Variants in DIS3 observed in about 807,000 individuals in gnomAD.
The protein encoded by DIS3 is exosome complex exonuclease RRP44.
In DIS3, 103 loss-of-function variants were observed where a neutral mutation model predicts 113.0. That is an observed-to-expected ratio of 0.91 (90% CI 0.78 to 1.07). The LOEUF is 1.07. DIS3 is among the 50% of genes least tolerant of loss of function. The pLI is 0.00. For missense variants in DIS3, 1,121 were observed against 1,167.1 expected (o/e 0.96, Z 0.58); for synonymous variants, 402 against 394.3 (o/e 1.02, Z -0.23).
chr13:72,752,325 G>T lies in DIS3; in HGVS notation c.*7470C>A, dbSNP rs1213528753. ...CTTGATGCCTGTGGGGGATAACAAG[G>T]TATCTGTTGCCTGGTTGGTACATAT... is the stretch of plus-strand genomic sequence containing the variant. On this transcript the variant is annotated 3_prime_UTR_variant, in exon 21 of 21. Transcript: ENST00000377767. The T allele has an allele frequency of 6.6e-6, 1 of 152,284 alleles. No homozygotes were observed. The highest frequency in any genetic ancestry group is 2.1e-4 in the South Asian group (1 of 4,822). The allele number at this position is 152,284 out of a possible 1,614,324, so 9.4% of individuals were successfully genotyped here.
In DIS3 at chr13:72,759,728, G is replaced by A; in HGVS notation, c.*67C>T. 2.4e-6 allele frequency: 3 copies of A among 1,233,804 alleles called. No homozygotes were observed. The highest frequency in any genetic ancestry group is 3.5e-6 in the Non-Finnish European group (3 of 852,888). 76.4% of individuals were successfully genotyped at this position (1,233,804 alleles called of 1,614,324 possible). A position where few individuals can be genotyped will look rare whatever the true frequency, so the allele number is the denominator to read the frequency against. On this transcript the variant is annotated 3_prime_UTR_variant, in exon 21 of 21. Coordinates refer to ENST00000377767, the MANE Select transcript of DIS3 (RefSeq NM_014953.5). ...AAACTGTATCACACACTTAGGCTTA[G>A]AAGTGTTCTTTCAAGTTTTTTCTTT...
Position 72,761,735 on chromosome 13 carries a change from G to A in DIS3, c.2422C>T (p.His808Tyr), listed in dbSNP as rs552766691. ...TTTTTACATATATCTGCAAGCTTGT[G>A]TTTGTCTGTCAACTCTGGATAAGTA... ...DCTYPELTDKHKLADICKNLN... is the reference protein window; with the variant it reads ...DCTYPELTDKYKLADICKNLN... The change falls in exon 18 of 21, where the codon CAC becomes TAC. Residue 808 changes from histidine to tyrosine, a missense_variant. His to Tyr is a moderately conservative substitution (Grantham distance 83). This residue lies in a region of DIS3 where 861 missense variants were observed against 915.5 expected (regional missense o/e 0.94). Transcript: ENST00000377767. 1.2e-6 allele frequency: 2 copies of A among 1,613,852 alleles called. No homozygotes were observed. Among genetic ancestry groups the A allele is most frequent in the Non-Finnish European group, 1.7e-6 (2 of 1,179,976 alleles).
At chr13:72,763,189 T>A (rs893995324) in intron 16 of DIS3, among the ~76,000 whole-genome samples, 3 of 151,850 alleles carry the variant, frequency 2.0e-5, no homozygotes, top group African/African-American at 7.3e-5. Context: ...CAGTCCCAGC[T>A]CCTCAGGAGG....
chr13:72,758,653 G>A lies in DIS3; in HGVS notation c.*1142C>T, dbSNP rs1050419302. The A allele has an allele frequency of 3.2e-5, 7 of 218,312 alleles. No homozygotes were observed. The Admixed American group carries it at 3.5e-4, about 11-fold the overall frequency. The allele number at this position is 218,312 out of a possible 1,614,324, so 13.5% of individuals were successfully genotyped here. A position where few individuals can be genotyped will look rare whatever the true frequency, so the allele number is the denominator to read the frequency against. ...CAAGTTTCTGCCTCAGTGTATGGAGGTTTTCCTCAGTAATAGGAAACTGGA... is the reference window on the plus strand; with the variant it reads ...CAAGTTTCTGCCTCAGTGTATGGAGATTTTCCTCAGTAATAGGAAACTGGA... On this transcript the variant is annotated 3_prime_UTR_variant, in exon 21 of 21. Transcript: ENST00000377767.
In DIS3 at chr13:72,775,236, T is replaced by C. The variant is rs2138220979; in HGVS notation, c.962A>G (p.Glu321Gly). Residue 321 changes from glutamate (E) to glycine (G), a missense_variant, in exon 6 of 21, where the codon GAG becomes GGG. Glu to Gly is a moderately conservative substitution (Grantham distance 98). This residue lies in a region of DIS3 where 861 missense variants were observed against 915.5 expected (regional missense o/e 0.94). Coordinates refer to ENST00000377767, the MANE Select transcript of DIS3 (RefSeq NM_014953.5). ...CATTCGTTCTGTCTCTTCTTCTTTCTCCACATCTTCTTCATTTTGACCTTC... is the reference window on the plus strand; with the variant it reads ...CATTCGTTCTGTCTCTTCTTCTTTCCCCACATCTTCTTCATTTTGACCTTC... Reference protein sequence around the residue: ...HDEGQNEEDVEKEEETERMLK... With the variant: ...HDEGQNEEDVGKEEETERMLK... 1 of 1,613,488 alleles carries C rather than the reference T, an allele frequency of 6.2e-7. No homozygotes were observed. Among genetic ancestry groups the C allele is most frequent in the Non-Finnish European group, 8.5e-7 (1 of 1,179,616 alleles).
chr13:72,756,809 T>C lies in DIS3; in HGVS notation c.*2986A>G, dbSNP rs1435022016. 1 of 152,178 alleles carries C rather than the reference T, an allele frequency of 6.6e-6. No individual in the cohort carries two copies. The highest frequency in any genetic ancestry group is 1.5e-5 in the Non-Finnish European group (1 of 68,030). The allele number at this position is 152,178 out of a possible 1,614,324, so 9.4% of individuals were successfully genotyped here. On this transcript the variant is annotated 3_prime_UTR_variant, in exon 21 of 21. Transcript: ENST00000377767. ...CCTTTTTCTGCCATGATTGTGTAAG[T>C]GTCCTGAGGCCTCACCAGCAATGCG... is the stretch of plus-strand genomic sequence containing the variant.
In DIS3 at chr13:72,777,502, A is replaced by C. The variant is rs758098466; in HGVS notation, c.581-9T>G. 4.6e-5 allele frequency: 75 copies of C among 1,613,198 alleles called. No individual in the cohort carries two copies. In the South Asian group the frequency reaches 6.0e-4, roughly 13 times the overall value. ...CTTTACATATTCTTCACCTGAAAAA[A>C]TAAGTTTATGTTGTTTTTGATAAGT... On this transcript the variant is annotated splice_polypyrimidine_tract_variant and intron_variant, in intron 3 of 20. Transcript: ENST00000377767.
intron 14 of DIS3, among the ~76,000 whole-genome samples, chr13:72,766,308 T>A (rs2033750019): frequency 1.3e-5 from 2 of 152,206 alleles, no homozygotes; most frequent in South Asian, 4.1e-4. Flanking sequence ...GAAATCTGAA[T>A]CCCTGTGCTT....
intron 4 of DIS3, among the ~76,000 whole-genome samples, chr13:72,776,973 T>C (rs916495281): frequency 1.3e-5 from 2 of 152,202 alleles, no homozygotes; most frequent in Non-Finnish European, 2.9e-5. Flanking sequence ...TCAGAATCCT[T>C]TCCTCTTCAT....
chr13:72,779,973 TATC>T (rs1412084783), intron 2 of DIS3, among the ~76,000 whole-genome samples: 1 of 152,014 alleles, frequency 6.6e-6, no homozygotes, highest in East Asian at 1.9e-4. Flanking sequence ...TAATAGGCAA[TATC>T]ATATTTTTGA....
Position 72,761,233 on chromosome 13 carries a change from C to T in DIS3, c.2670+130G>A, listed in dbSNP as rs996040156. On this transcript the variant is annotated intron_variant, in intron 19 of 20. Coordinates refer to ENST00000377767, the MANE Select transcript of DIS3 (RefSeq NM_014953.5). ...GCAAAATTAAATGTAGATTTTCTGG[C>T]ATGTATTTGGAGATCAGGATAAATT... 2.2e-5 allele frequency: 26 copies of T among 1,179,356 alleles called. No individual in the cohort carries two copies. In the Admixed American group the frequency reaches 3.4e-4, roughly 16 times the overall value. The allele number at this position is 1,179,356 out of a possible 1,614,324, so 73.1% of individuals were successfully genotyped here. A position where few individuals can be genotyped will look rare whatever the true frequency, so the allele number is the denominator to read the frequency against.
At position 72,781,777 on chromosome 13, in the gene DIS3, A is replaced by G; in HGVS notation, c.56T>C (p.Ile19Thr). ...KKTRAGGVMK[I>T]VREHYLRDDI... ...GTCTCGCAGGTAGTGCTCGCGCACG[A>G]TCTTCATCACGCCGCCCGCCCGGGT... The change falls in exon 1 of 21, where the codon ATC becomes ACC. Residue 19 changes from isoleucine (I) to threonine (T), a missense_variant. Physicochemically the swap from Ile to Thr is moderately conservative, Grantham distance 89. This residue lies in a region of DIS3 where 254 missense variants were observed against 232.2 expected (regional missense o/e 1.09). Coordinates refer to ENST00000377767, the MANE Select transcript of DIS3 (RefSeq NM_014953.5). The G allele has an allele frequency of 6.2e-7, 1 of 1,605,300 alleles. No homozygotes were observed. The highest frequency in any genetic ancestry group is 8.5e-7 in the Non-Finnish European group (1 of 1,176,032).
Position 72,781,653 on chromosome 13 carries a change from G to A in DIS3, c.180C>T (p.Cys60=), listed in dbSNP as rs372345855. Residue 60 remains cysteine, a synonymous_variant, in exon 1 of 21, where the codon TGC becomes TGT. Transcript: ENST00000377767. Reference sequence around the variant, plus strand: ...CGGGCAGCAAGTAGTGCGGTTGCGGGCAGACGCTGCTCGCCGGGTCCTGGG... The same window carrying A: ...CGGGCAGCAAGTAGTGCGGTTGCGGACAGACGCTGCTCGCCGGGTCCTGGG... ...PQPQDPASSV[C]PQPHYLLPDT... is the part of the protein sequence containing the mutation. The A allele has an allele frequency of 1.0e-5, 16 of 1,545,474 alleles. No homozygotes were observed. The highest frequency in any genetic ancestry group is 1.4e-5 in the Non-Finnish European group (16 of 1,144,510).
intron 9 of DIS3, 82 bp from the exon 10 acceptor site, chr13:72,772,357 A>G: frequency 9.3e-7 from 1 of 1,070,424 alleles, no homozygotes; most frequent in Admixed American, 2.4e-5. Flanking sequence ...GAAATCAGTA[A>G]TATGTATACA....
chr13:72,765,921 A>G, intron 15 of DIS3, 51 bp downstream of exon 15: 1 of 1,304,308 alleles, frequency 7.7e-7, no homozygotes, highest in Non-Finnish European at 1.1e-6. Context: ...AGTAGACATG[A>G]CAATTAAAAT....
At position 72,758,145 on chromosome 13, in the gene DIS3, T is replaced by G. The variant is rs574005581; in HGVS notation, c.*1650A>C. 1 of 180,320 alleles carries G rather than the reference T, an allele frequency of 5.5e-6. No homozygotes were observed. The highest frequency in any genetic ancestry group is 2.4e-5 in the African/African-American group (1 of 42,378). The allele number at this position is 180,320 out of a possible 1,614,324, so 11.2% of individuals were successfully genotyped here. A position where few individuals can be genotyped will look rare whatever the true frequency, so the allele number is the denominator to read the frequency against. ...ACTGTACCTTTTCTATGTTTAGATA[T>G]GTTTAGATACACAAATACTTAGCAC... On this transcript the variant is annotated 3_prime_UTR_variant, in exon 21 of 21. Coordinates refer to ENST00000377767, the MANE Select transcript of DIS3 (RefSeq NM_014953.5).
intron 18 of DIS3, 21 bp downstream of exon 18, chr13:72,761,625 G>GT (rs758665569): frequency 6.4e-7 from 1 of 1,564,024 alleles, no homozygotes; most frequent in Non-Finnish European, 8.6e-7. Context: ...TTTTCTAGCA[G>GT]TATCGACAAA....
intron 19 of DIS3, among the ~76,000 whole-genome samples, chr13:72,761,107 C>A (rs1451130405): frequency 6.6e-6 from 1 of 151,822 alleles, no homozygotes; most frequent in Non-Finnish European, 1.5e-5. Context: ...CCATGTAGGG[C>A]AAAACTTTAC....
At position 72,781,132 on chromosome 13, in the gene DIS3, G is replaced by T. The variant is rs1042545948; in HGVS notation, c.229-129C>A. Reference sequence around the variant, plus strand: ...AACACTGAATAAGTTAAGCCAAGAAGCTATTTGGCTATAGAAAACGAGACA... The same window carrying T: ...AACACTGAATAAGTTAAGCCAAGAATCTATTTGGCTATAGAAAACGAGACA... On this transcript the variant is annotated intron_variant, in intron 1 of 20. Coordinates refer to ENST00000377767, the MANE Select transcript of DIS3 (RefSeq NM_014953.5). 9 of 1,333,338 alleles carry T rather than the reference G, an allele frequency of 6.7e-6. No homozygotes were observed. The African/African-American group carries it at 1.2e-4, about 18-fold the overall frequency. The allele number at this position is 1,333,338 out of a possible 1,614,324, so 82.6% of individuals were successfully genotyped here.
Sources: gnomAD v4.1 joint callset for allele counts (sites outside exome capture counted in the v4.1 genomes callset) on GRCh38, gnomAD v4.1.1 for gene constraint, gnomAD v4.1.1 regional missense constraint, MANE v1.5 for transcripts, NCBI Gene and HGNC (gene_info 2026-07-23, HGNC 2026-07-21) for gene names.